GRIP1: variants seen among roughly 807,000 people sequenced by gnomAD.
GRIP1 encodes glutamate receptor interacting protein 1.
Under a neutral mutation model 129.9 loss-of-function variants are expected in GRIP1, and 45 were observed. The observed-to-expected ratio is 0.35, with a 90% CI of 0.27 to 0.44. The LOEUF is 0.44. Among genes scored for constraint, GRIP1 ranks in the 20% least tolerant of loss-of-function variants. The pLI is 1.00. For synonymous variants in GRIP1, 530 were observed against 520.8 expected, an observed-to-expected ratio of 1.02 and a Z score of -0.24; for missense variants, 1,196 against 1,396.8, an observed-to-expected ratio of 0.86 and a Z score of 2.29.
At chr12:66,483,328 GATTT>G (rs1379578271) in intron 7 of GRIP1, among the ~76,000 whole-genome samples, 3 of 152,008 alleles carry the variant, frequency 2.0e-5, no homozygotes, top group African/African-American at 7.2e-5. Flanking sequence ...TTAAATTGCT[GATTT>G]ATTTTTTTTC....
At chr12:66,756,625 G>A (rs1387721541) in intron 1 of GRIP1, among the ~76,000 whole-genome samples, 1 of 152,298 alleles carries the variant, frequency 6.6e-6, no homozygotes, top group Non-Finnish European at 1.5e-5. Context: ...AATGAAGGTG[G>A]TAGTGGCAGT....
chr12:66,635,239 G>A (rs188029923), intron 1 of GRIP1, among the ~76,000 whole-genome samples: 7 of 151,882 alleles, frequency 4.6e-5, no homozygotes, highest in East Asian at 3.9e-4. Flanking sequence ...GCAACATAGC[G>A]AGACCCCATC....
At chr12:66,868,764 T>C (rs1057427863) in intron 1 of GRIP1, among the ~76,000 whole-genome samples, 2 of 152,100 alleles carry the variant, frequency 1.3e-5, no homozygotes, top group African/African-American at 4.8e-5. Context: ...ATGTGAAGAA[T>C]CCATGATGTT....
chr12:66,657,504 T>C (rs1472044024), intron 1 of GRIP1, among the ~76,000 whole-genome samples: 1 of 152,204 alleles, frequency 6.6e-6, no homozygotes, highest in Non-Finnish European at 1.5e-5. Context: ...TTTACTCCAA[T>C]CATCATCTTA....
At chr12:66,828,421 T>C (rs147529029) in intron 1 of GRIP1, among the ~76,000 whole-genome samples, 25 of 152,354 alleles carry the variant, frequency 1.6e-4, no homozygotes, top group African/African-American at 5.8e-4. Flanking sequence ...ACTTCAATAA[T>C]ATGATTTGAA....
At position 66,723,314 on chromosome 12, in the gene GRIP1, T is replaced by C. The variant is rs867792263; in HGVS notation, c.-420+80739A>G. ...TTTCTTTCTTTCTTTCTTTTTTTTTTTTTTTTTTTTTTTTTTGAGACAGAG... is the reference window on the plus strand; with the variant it reads ...TTTCTTTCTTTCTTTCTTTTTTTTTCTTTTTTTTTTTTTTTTGAGACAGAG... On this transcript the variant is annotated intron_variant, in intron 1 of 4. Coordinates refer to the GRIP1 transcript ENST00000538373. 4.6e-3 allele frequency among the ~76,000 whole-genome samples: 389 copies of C among 84,158 alleles called. 9 individuals are homozygous for C. The highest frequency in any genetic ancestry group is 0.012 in the African/African-American group (195 of 16,900). The allele number at this position is 84,158 out of a possible 152,430, so 55.2% of individuals were successfully genotyped here. A position where few individuals can be genotyped will look rare whatever the true frequency, so the allele number is the denominator to read the frequency against.
chr12:66,679,579 A>T (rs796404446), upstream of GRIP1, among the ~76,000 whole-genome samples: 5 of 152,088 alleles, frequency 3.3e-5, no homozygotes, highest in African/African-American at 1.2e-4. Context: ...TCCTGAACCT[A>T]TGAGAGTTAA....
chr12:66,595,400 A>C (rs188500436), intron 2 of GRIP1, among the ~76,000 whole-genome samples: 12 of 152,346 alleles, frequency 7.9e-5, no homozygotes, highest in African/African-American at 2.9e-4. Flanking sequence ...CCATGAAAAG[A>C]AAACATTGAT....
At chr12:66,815,184 T>C (rs12322014) in intron 1 of GRIP1, among the ~76,000 whole-genome samples, 24,426 of 152,206 alleles carry the variant, frequency 0.16, 2,113 homozygotes, top group East Asian at 0.39. Context: ...CCTGGAATAT[T>C]ACCAACAAAG....
At chr12:66,639,081 T>C (rs4537836) in intron 1 of GRIP1, among the ~76,000 whole-genome samples, 103,082 of 152,070 alleles carry the variant, frequency 0.68, 36,158 homozygotes, top group African/African-American at 0.84. Context: ...AATGGCATTA[T>C]TATTAGTAGC....
At chr12:66,677,548 A>C (rs2034395583) in intron 1 of GRIP1, among the ~76,000 whole-genome samples, 1 of 152,188 alleles carries the variant, frequency 6.6e-6, no homozygotes, top group Non-Finnish European at 1.5e-5. Context: ...CGTCTGTACC[A>C]ATTGTAGAGG....
At chr12:67,001,246 CA>C in intron 1 of GRIP1, among the ~76,000 whole-genome samples, 1 of 152,276 alleles carries the variant, frequency 6.6e-6, no homozygotes, top group East Asian at 1.9e-4. Flanking sequence ...TTAAAAGGGC[CA>C]ACCATCCACC....
At chr12:66,723,238 C>CTTTT (rs1565987740) in intron 1 of GRIP1, among the ~76,000 whole-genome samples, 1 of 12,814 alleles carries the variant, frequency 7.8e-5, no homozygotes, top group Non-Finnish European at 1.5e-4. Context: ...CTCTCTCTCT[C>CTTTT]TCTTCCTTCC....
chr12:66,832,556 A>C (rs758937476), intron 1 of GRIP1, among the ~76,000 whole-genome samples: 4 of 152,184 alleles, frequency 2.6e-5, no homozygotes, highest in Non-Finnish European at 4.4e-5. Flanking sequence ...TGCACAACTT[A>C]GTAAGGAAGT....
At chr12:66,849,422 C>T (rs1252255) in intron 1 of GRIP1, among the ~76,000 whole-genome samples, 143,049 of 152,214 alleles carry the variant, frequency 0.94, 67,862 homozygotes, top group East Asian at 1. Flanking sequence ...TTATTTTTCA[C>T]TACCTAATGA....
intron 15 of GRIP1, among the ~76,000 whole-genome samples, 162 bp downstream of exon 15, chr12:66,420,558 C>G (rs2057769931): frequency 6.6e-6 from 1 of 151,984 alleles, no homozygotes; most frequent in South Asian, 2.1e-4. Flanking sequence ...TATGGAGCCA[C>G]TGGAACTAGG....
At chr12:66,610,881 A>T (rs1302110566) in intron 1 of GRIP1, among the ~76,000 whole-genome samples, 1 of 152,168 alleles carries the variant, frequency 6.6e-6, no homozygotes, top group African/African-American at 2.4e-5. Context: ...CACTGCATAC[A>T]GAAATAGCTT....
At chr12:67,003,741 A>AAAATAAATAAAT (rs1446772127) in intron 1 of GRIP1, among the ~76,000 whole-genome samples, 4 of 151,958 alleles carry the variant, frequency 2.6e-5, no homozygotes, top group African/African-American at 4.8e-5. Flanking sequence ...AATAAATAAA[A>AAAATAAATAAAT]AAATTCCTAC....
intron 2 of GRIP1, among the ~76,000 whole-genome samples, chr12:66,572,166 C>T (rs931794331): frequency 6.6e-6 from 1 of 152,240 alleles, no homozygotes; most frequent in African/African-American, 2.4e-5. Context: ...GGCACATGAA[C>T]GAACTGGGGA....
Sources: allele counts gnomAD v4.1 joint callset (sites outside exome capture counted in the v4.1 genomes callset), GRCh38; gene constraint gnomAD v4.1.1; transcripts MANE v1.5; gene names NCBI Gene and HGNC (gene_info 2026-07-23, HGNC 2026-07-21).